Variants in GPATCH1 observed in about 807,000 individuals in gnomAD.
GPATCH1 encodes G-patch domain containing 1, also known as G patch domain-containing protein 1.
Under a neutral mutation model 114.9 loss-of-function variants are expected in GPATCH1, and 73 were observed. That is an observed-to-expected ratio of 0.64 (90% CI 0.53 to 0.77). The LOEUF is 0.77. Ranked by LOEUF, GPATCH1 falls within the 30% of genes least tolerant of loss-of-function variation. GPATCH1 has a pLI of 0.00. For synonymous variants in GPATCH1, 391 were observed against 428.4 expected (o/e 0.91, Z 1.08); for missense variants, 1,058 against 1,144.3 (o/e 0.92, Z 1.09).
intron 6 of GPATCH1, 63 bp downstream of exon 6, chr19:33,095,883 A>G: frequency 8.2e-7 from 1 of 1,216,950 alleles, no homozygotes; most frequent in East Asian, 2.3e-5. Flanking sequence ...TATGACTGTG[A>G]AATTTGGTTG....
intron 3 of GPATCH1, among the ~76,000 whole-genome samples, chr19:33,091,413 CAAAAAA>C (rs1184888892): frequency 2.2e-5 from 1 of 44,942 alleles, no homozygotes; most frequent in African/African-American, 7.8e-5. Context: ...GACTCCGTCT[CAAAAAA>C]AAAAAAAAAA....
intron 6 of GPATCH1, 151 bp from the exon 7 acceptor site, chr19:33,096,056 C>G (rs2145310828): frequency 2.4e-6 from 2 of 842,216 alleles, no homozygotes; most frequent in Admixed American, 2.5e-5. Flanking sequence ...ATCCTTTGTG[C>G]CAGAAAGTGA....
chr19:33,118,386 C>T (rs905745428), intron 16 of GPATCH1, among the ~76,000 whole-genome samples: 1 of 151,792 alleles, frequency 6.6e-6, no homozygotes, highest in African/African-American at 2.4e-5. Flanking sequence ...ACCATGTTGG[C>T]CAGGCTAGTC....
intron 5 of GPATCH1, 103 bp downstream of exon 5, chr19:33,094,372 G>A (rs1378366933): frequency 6.0e-6 from 4 of 669,604 alleles, no homozygotes; most frequent in African/African-American, 1.8e-5. Flanking sequence ...GTGCAGTGGT[G>A]CGATCCCGGC....
chr19:33,112,045 A>G, intron 12 of GPATCH1, 143 bp downstream of exon 12: 1 of 602,290 alleles, frequency 1.7e-6, no homozygotes. Flanking sequence ...GGCTCACTGC[A>G]GCCTCCGCTT....
chr19:33,092,170 C>T (rs763869586), intron 3 of GPATCH1, among the ~76,000 whole-genome samples: 53 of 151,916 alleles, frequency 3.5e-4, no homozygotes, highest in Non-Finnish European at 6.5e-4. Flanking sequence ...CCTCAGCTTC[C>T]CCCGAGTAGC....
At chr19:33,081,335 G>C (rs1972473691) in intron 1 of GPATCH1, 69 bp downstream of exon 1, 1 of 1,253,920 alleles carries the variant, frequency 8.0e-7, no homozygotes, top group Non-Finnish European at 1.1e-6. Flanking sequence ...GGCCACAAAA[G>C]CACAAGTCGG....
At chr19:33,114,895 C>T (rs1052189690) in intron 15 of GPATCH1, among the ~76,000 whole-genome samples, 1 of 149,998 alleles carries the variant, frequency 6.7e-6, no homozygotes. Flanking sequence ...CTCTGCCTCC[C>T]CTCCCGGGTT....
intron 11 of GPATCH1, 83 bp from the exon 12 acceptor site, chr19:33,111,641 A>T: frequency 4.2e-6 from 5 of 1,196,842 alleles, no homozygotes; most frequent in Non-Finnish European, 6.1e-6. Context: ...ATACAGGGAT[A>T]CAGTGGTGCC....
chr19:33,097,668 A>T, intron 7 of GPATCH1, 87 bp from the exon 8 acceptor site: 1 of 1,239,968 alleles, frequency 8.1e-7, no homozygotes, highest in Non-Finnish European at 1.2e-6. Flanking sequence ...CATGGTTTCC[A>T]ATCACATCCT....
intron 15 of GPATCH1, among the ~76,000 whole-genome samples, chr19:33,114,758 C>G (rs1972897548): frequency 6.8e-6 from 1 of 146,180 alleles, no homozygotes; most frequent in Non-Finnish European, 1.5e-5. Context: ...TTGAAGTGCA[C>G]TTCTTAGGTG....
At chr19:33,124,080 C>G (rs528996990) in intron 17 of GPATCH1, among the ~76,000 whole-genome samples, 1 of 152,156 alleles carries the variant, frequency 6.6e-6, no homozygotes, top group East Asian at 1.9e-4. Context: ...TTTTGAACTC[C>G]TGACCTCAAG....
intron 15 of GPATCH1, among the ~76,000 whole-genome samples, chr19:33,116,776 G>A (rs1015746082): frequency 1.3e-4 from 20 of 152,244 alleles, no homozygotes; most frequent in Admixed American, 3.9e-4. Context: ...TGATCCACCC[G>A]CCTCGGCCTC....
At chr19:33,085,816 A>G (rs1023906317) in intron 1 of GPATCH1, among the ~76,000 whole-genome samples, 1 of 152,188 alleles carries the variant, frequency 6.6e-6, no homozygotes, top group Non-Finnish European at 1.5e-5. Flanking sequence ...TTGTTCCGTC[A>G]CTGGTTAGAG....
In GPATCH1 at chr19:33,109,915, C is replaced by T. The variant is rs754967838; in HGVS notation, c.1484C>T (p.Thr495Met). The part of the protein sequence containing the change: ...CSWNMALGGG[T>M]ATLKASNFKP... ...TGGAACATGGCATTAGGTGGTGGGACGGCCACCTTAAAAGCCAGCAACTTC... is the reference window on the plus strand; with the variant it reads ...TGGAACATGGCATTAGGTGGTGGGATGGCCACCTTAAAAGCCAGCAACTTC... The change falls in exon 11 of 20, where the codon ACG becomes ATG. Residue 495 changes from threonine (T) to methionine (M), a missense_variant. Thr to Met is a moderately conservative substitution (Grantham distance 81). Transcript: ENST00000170564. 24 of 1,614,100 alleles carry T rather than the reference C, an allele frequency of 1.5e-5. No homozygotes were observed. Among genetic ancestry groups the T allele is most frequent in the East Asian group, 2.2e-5 (1 of 44,882 alleles).
chr19:33,122,411 G>A (rs1228570307), intron 17 of GPATCH1, among the ~76,000 whole-genome samples: 3 of 150,520 alleles, frequency 2.0e-5, no homozygotes, highest in African/African-American at 7.3e-5. Flanking sequence ...TGCAAGCTGC[G>A]CCTCCCAGGT....
chr19:33,095,044 G>A (rs1972639818), intron 5 of GPATCH1, among the ~76,000 whole-genome samples: 1 of 152,058 alleles, frequency 6.6e-6, no homozygotes, highest in Non-Finnish European at 1.5e-5. Flanking sequence ...CGCACCTGTA[G>A]TCCCAGCTAC....
At chr19:33,126,504 T>G in intron 18 of GPATCH1, 84 bp from the exon 19 acceptor site, 2 of 1,580,772 alleles carry the variant, frequency 1.3e-6, no homozygotes, top group Non-Finnish European at 1.7e-6. Context: ...ACTCCATCAC[T>G]GCAGCCTTGT....
intron 1 of GPATCH1, among the ~76,000 whole-genome samples, chr19:33,081,641 G>A (rs118091983): frequency 1.5e-3 from 225 of 152,196 alleles, no homozygotes; most frequent in Non-Finnish European, 2.4e-3. Flanking sequence ...AGCATTTCAG[G>A]CAGAAGGAAC....
Sources: gnomAD v4.1 joint callset for allele counts (sites outside exome capture counted in the v4.1 genomes callset) on GRCh38, gnomAD v4.1.1 for gene constraint, MANE v1.5 for transcripts, NCBI Gene and HGNC (gene_info 2026-07-23, HGNC 2026-07-21) for gene names.